The following SATL1 variants were observed in gnomAD, a reference collection of about 807,000 sequenced individuals.
SATL1 encodes the protein spermidine/spermine N1-acetyl transferase like 1, also known as spermidine/spermine N(1)-acetyltransferase-like protein 1.
SATL1 carries 47 observed loss-of-function variants against 51.8 expected under a neutral mutation model. The observed-to-expected ratio is 0.91, with a 90% CI of 0.72 to 1.16. SATL1 has a LOEUF of 1.16. SATL1 is among the 50% of genes most tolerant of loss of function. SATL1 has a pLI of 0.00. For missense variants in SATL1, 520 were observed against 526.4 expected, an observed-to-expected ratio of 0.99 and a Z score of 0.12; for synonymous variants, 176 against 182.4, an observed-to-expected ratio of 0.97 and a Z score of 0.28.
At chrX:85,204,950 T>C (rs906493073) in intron 2 of SATL1, among the ~76,000 whole-genome samples, 2 of 112,327 alleles carry the variant, frequency 1.8e-5, no homozygotes, top group Non-Finnish European at 3.8e-5. Flanking sequence ...ACAAATTGTG[T>C]TTCTTGTTCT....
chrX:85,149,535 C>A (rs1335264224), intron 2 of SATL1, among the ~76,000 whole-genome samples: 2 of 111,642 alleles, frequency 1.8e-5, no homozygotes, highest in South Asian at 7.6e-4. Flanking sequence ...CACACCACAC[C>A]TATTCCAAAA....
intron 2 of SATL1, among the ~76,000 whole-genome samples, chrX:85,161,261 A>C (rs1165949460): frequency 9.0e-6 from 1 of 111,218 alleles, no homozygotes; most frequent in Non-Finnish European, 1.9e-5. Context: ...AAGTCTGCAT[A>C]ATAACATCTA....
chrX:85,226,987 G>C (rs190444368), intron 1 of SATL1, among the ~76,000 whole-genome samples: 44 of 111,186 alleles, frequency 4.0e-4, no homozygotes, highest in African/African-American at 1.2e-3. Context: ...TATATGTCCT[G>C]AATATTCTTG....
rs1374543306 is a variant in SATL1 at position 85,108,240 on chromosome X, C to T, written c.729G>A (p.Met243Ile). The stretch of plus-strand genomic sequence containing the variant: ...TTGATTGGTTTGCGTCTGGTTGGCT[C>T]ATGTCTGTTTGGTTCTTACATGATT... The part of the protein sequence containing the change: ...TSQSCKNQTD[M>I]SQPDANQSSL... Residue 243 changes from methionine to isoleucine, a missense_variant, in exon 3 of 8, where the codon ATG becomes ATA. This residue lies in a region of SATL1 where 488 missense variants were observed against 474.3 expected (regional missense o/e 1.03). Transcript: ENST00000644105. 2 of 1,211,451 alleles carry T rather than the reference C, an allele frequency of 1.7e-6. No individual in the cohort carries two copies. The highest frequency in any genetic ancestry group is 4.3e-5 in the Admixed American group (2 of 46,021).
At chrX:85,197,689 T>G (rs1164559957) in intron 2 of SATL1, among the ~76,000 whole-genome samples, 2 of 92,933 alleles carry the variant, frequency 2.2e-5, no homozygotes, top group Non-Finnish European at 4.2e-5. Context: ...GATGTTCCCC[T>G]TCCTGTGTCC....
At chrX:85,237,210 A>G (rs1183343083) in intron 1 of SATL1, among the ~76,000 whole-genome samples, 1 of 111,354 alleles carries the variant, frequency 9.0e-6, no homozygotes, top group East Asian at 2.8e-4. Flanking sequence ...TAAAATTTAT[A>G]CAGAACCACA....
At chrX:85,117,391 C>T (rs185638243) in intron 2 of SATL1, 80 of 111,755 alleles carry the variant, frequency 7.2e-4, no homozygotes, top group African/African-American at 2.5e-3. Context: ...GTAACAACTC[C>T]GGCTTGGTTT....
chrX:85,174,162 C>G (rs1222969193), intron 2 of SATL1, among the ~76,000 whole-genome samples: 1 of 110,132 alleles, frequency 9.1e-6, no homozygotes, highest in Non-Finnish European at 1.9e-5. Flanking sequence ...TTTTCTTAAT[C>G]CATTCTATCA....
chrX:85,129,650 C>T (rs1277090495), intron 2 of SATL1, among the ~76,000 whole-genome samples: 1 of 111,546 alleles, frequency 9.0e-6, no homozygotes. Flanking sequence ...CTTTCTCTTG[C>T]CTGATTGCCC....
intron 2 of SATL1, among the ~76,000 whole-genome samples, chrX:85,118,935 C>CAT (rs765549245): frequency 7.0e-4 from 78 of 111,188 alleles, no homozygotes; most frequent in Non-Finnish European, 1.3e-3. Context: ...CAAATATTGG[C>CAT]ATATATATAT....
At chrX:85,215,201 G>A (rs1021382453) in intron 2 of SATL1, among the ~76,000 whole-genome samples, 8 of 111,644 alleles carry the variant, frequency 7.2e-5, no homozygotes, top group African/African-American at 2.6e-4. Flanking sequence ...AGCTGGAGCC[G>A]AAGTGGTGGG....
In SATL1 at chrX:85,108,751, T is replaced by C; in HGVS notation, c.218A>G (p.Asp73Gly). ...GTNLPDINQP[D>G]MKQPDTWQLG... ...TTGCCATGTGTCTGGTTGTTTCATGTCGGGTTGGTTTATGTCTGGTAGGTT... is the reference window on the plus strand; with the variant it reads ...TTGCCATGTGTCTGGTTGTTTCATGCCGGGTTGGTTTATGTCTGGTAGGTT... Residue 73 changes from aspartate to glycine, a missense_variant, in exon 3 of 8, where the codon GAC (aspartate) becomes GGC (glycine). Asp to Gly is a moderately conservative substitution (Grantham distance 94). This residue lies in a region of SATL1 where 488 missense variants were observed against 474.3 expected (regional missense o/e 1.03). Coordinates refer to ENST00000644105, the MANE Select transcript of SATL1 (RefSeq NM_001367857.2). 1 of 1,207,127 alleles carries C rather than the reference T, an allele frequency of 8.3e-7. No homozygotes were observed. The highest frequency in any genetic ancestry group is 1.8e-5 in the African/African-American group (1 of 57,064).
intron 2 of SATL1, among the ~76,000 whole-genome samples, chrX:85,221,521 T>C (rs1381293551): frequency 1.8e-5 from 2 of 111,956 alleles, no homozygotes; most frequent in East Asian, 5.6e-4. Flanking sequence ...ATTTCTTCAC[T>C]TACTTCACTT....
At chrX:85,165,022 C>T (rs1400722574) in intron 2 of SATL1, among the ~76,000 whole-genome samples, 3 of 111,287 alleles carry the variant, frequency 2.7e-5, no homozygotes, top group Non-Finnish European at 5.7e-5. Context: ...CTGCACCCGG[C>T]CTGATCTTTT....
At chrX:85,173,622 C>A (rs1172020253) in intron 2 of SATL1, among the ~76,000 whole-genome samples, 1 of 110,021 alleles carries the variant, frequency 9.1e-6, no homozygotes, top group Non-Finnish European at 1.9e-5. Flanking sequence ...ATACAACTTT[C>A]CAAATTAGGA....
intron 2 of SATL1, among the ~76,000 whole-genome samples, chrX:85,202,779 T>C (rs2147751303): frequency 8.9e-6 from 1 of 111,799 alleles, no homozygotes; most frequent in Admixed American, 9.5e-5. Context: ...CTAAGGGAGA[T>C]GGACTGGCCT....
chrX:85,209,396 T>G (rs1927860700), intron 2 of SATL1: 1 of 111,868 alleles, frequency 8.9e-6, no homozygotes, highest in East Asian at 2.8e-4. Context: ...AAAGTAGCTT[T>G]TTCCAATTCT....
chrX:85,129,717 C>G (rs771690187), intron 2 of SATL1, among the ~76,000 whole-genome samples: 2 of 111,516 alleles, frequency 1.8e-5, no homozygotes, highest in Admixed American at 1.9e-4. Context: ...GCATCCCTCT[C>G]TTGTGCCAGT....
At chrX:85,166,953 G>A (rs1485998388) in intron 2 of SATL1, among the ~76,000 whole-genome samples, 4 of 103,346 alleles carry the variant, frequency 3.9e-5, no homozygotes, top group South Asian at 4.6e-4. Context: ...GTGTGTGTGT[G>A]TGTGTGTGTG....
Sources: allele counts gnomAD v4.1 joint callset (sites outside exome capture counted in the v4.1 genomes callset), GRCh38; gene constraint gnomAD v4.1.1; regional missense constraint gnomAD v4.1.1; transcripts MANE v1.5; gene names NCBI Gene and HGNC (gene_info 2026-07-23, HGNC 2026-07-21).